ZSCAN29: variants seen among roughly 807,000 people sequenced by gnomAD.
ZSCAN29 encodes zinc finger and SCAN domain containing 29.
A neutral mutation model predicts 71.9 loss-of-function variants in ZSCAN29; 55 were observed. The ratio of observed to expected loss-of-function variants is 0.76; its 90% CI spans 0.62 to 0.96. The LOEUF (loss-of-function observed/expected upper bound fraction) is 0.96. Among genes scored for constraint, ZSCAN29 ranks in the 40% least tolerant of loss-of-function variants. The probability of loss-of-function intolerance (pLI) is 0.00; values close to 1 mark genes in which losing one functional copy is unlikely to be tolerated. For synonymous variants in ZSCAN29, 351 were observed against 371.6 expected, an observed-to-expected ratio of 0.94 and a Z score of 0.64; for missense variants, 1,042 against 1,042.2, an observed-to-expected ratio of 1.00 and a Z score of 0.00.
chr15:43,370,067 A>C, intron 1 of ZSCAN29, 42 bp from the exon 2 acceptor site: 1 of 794,166 alleles, frequency 1.3e-6, no homozygotes, highest in Non-Finnish European at 1.9e-6. Context: ...GAATACATTC[A>C]TATGTCTAAA....
At position 43,364,456 on chromosome 15, in the gene ZSCAN29, T is replaced by G. The variant is rs796649461; in HGVS notation, c.1223-74A>C. The G allele has an allele frequency of 5.2e-6, 7 of 1,348,224 alleles. No homozygotes were observed. The African/African-American group carries it at 1.0e-4, about 19-fold the overall frequency. The allele number at this position is 1,348,224 out of a possible 1,614,324, so 83.5% of individuals were successfully genotyped here. On this transcript the variant is annotated intron_variant, in intron 4 of 5. Transcript: ENST00000684362. ...GCCTGAATTCCTCAGTCCTATCATC[T>G]GCATCATGAGAATTCACCTAAGCTC...
In ZSCAN29 at chr15:43,366,707, T is replaced by C; in HGVS notation, c.625A>G (p.Ser209Gly). ...GSKEKELPSG[S>G]HIGDRRVHAD... ...TGCACTCGTCTGTCTCCTATGTGGCTGCCACTTGGAAGTTCTTTCTCCTTA... is the reference window on the plus strand; with the variant it reads ...TGCACTCGTCTGTCTCCTATGTGGCCGCCACTTGGAAGTTCTTTCTCCTTA... Residue 209 changes from serine (S) to glycine (G), a missense_variant, in exon 4 of 6, where the codon AGC (serine) becomes GGC (glycine). By Grantham distance (56) the Ser-to-Gly change is moderately conservative. Transcript: ENST00000684362. 1 of 1,614,222 alleles carries C rather than the reference T, an allele frequency of 6.2e-7. No homozygotes were observed. Among genetic ancestry groups the C allele is most frequent in the South Asian group, 1.1e-5 (1 of 91,086 alleles).
At position 43,369,115 on chromosome 15, in the gene ZSCAN29, CAG is replaced by C; in HGVS notation, c.329_330del (p.Ser110CysfsTer70). 1 of 1,574,404 alleles carries C rather than the reference CAG, an allele frequency of 6.4e-7. No individual in the cohort carries two copies. Among genetic ancestry groups the C allele is most frequent in the Non-Finnish European group, 8.6e-7 (1 of 1,156,580 alleles). On this transcript the variant is annotated frameshift_variant, in exon 3 of 6. Coordinates refer to ENST00000684362, the MANE Select transcript of ZSCAN29 (RefSeq NM_001372080.1). LOFTEE classifies it high-confidence loss of function. The part of the protein sequence containing the change: ...PGRPRSSVTV[S>X]VKGQEVRLEK... ...TCCAAGCGCACTTCCTGCCCCTTCA[CAG>C]AGACTGTGACCTAGAAACAACCCCC...
chr15:43,366,848 A>G (rs2278860), intron 3 of ZSCAN29, 40 bp from the exon 4 acceptor site: 246,845 of 1,537,414 alleles, frequency 0.16, 32,399 homozygotes, highest in African/African-American at 0.64. Context: ...CATAGTTTGG[A>G]CTGATTATCA....
intron 5 of ZSCAN29, among the ~76,000 whole-genome samples, chr15:43,362,841 GAAC>G (rs2043995559): frequency 6.6e-6 from 1 of 152,026 alleles, no homozygotes; most frequent in African/African-American, 2.4e-5. Context: ...ATATTCCAGG[GAAC>G]AACATTAAAA....
intron 5 of ZSCAN29, among the ~76,000 whole-genome samples, chr15:43,362,997 T>C (rs1026686909): frequency 6.6e-6 from 1 of 151,082 alleles, no homozygotes; most frequent in Non-Finnish European, 1.5e-5. Context: ...TAAGTAACTT[T>C]TTTTTTTTTT....
rs1385519738 is a variant in ZSCAN29 at position 43,369,738 on chromosome 15, T to C, written c.176A>G (p.Glu59Gly). 9 of 1,614,252 alleles carry C rather than the reference T, an allele frequency of 5.6e-6. No individual in the cohort carries two copies. The highest frequency in any genetic ancestry group is 7.6e-6 in the Non-Finnish European group (9 of 1,180,054). Residue 59 changes from glutamate to glycine, a missense_variant, in exon 2 of 6, where the codon GAA becomes GGA. By Grantham distance (98) the Glu-to-Gly change is moderately conservative. Transcript: ENST00000684362. Reference sequence around the variant, plus strand: ...CAGGAACTGCTCTAGCACCAACAGTTCTACAATCTGCTCCTTGGTGCGCAC... The same window carrying C: ...CAGGAACTGCTCTAGCACCAACAGTCCTACAATCTGCTCCTTGGTGCGCAC... ...PEVRTKEQIVELLVLEQFLTV... is the reference protein window; with the variant it reads ...PEVRTKEQIVGLLVLEQFLTV...
At chr15:43,363,827 A>T in intron 5 of ZSCAN29, 88 bp downstream of exon 5, 1 of 1,287,284 alleles carries the variant, frequency 7.8e-7, no homozygotes, top group East Asian at 2.4e-5. Context: ...AGCTGGGTGT[A>T]GAGGCCAGTT....
At chr15:43,369,443 A>C in intron 2 of ZSCAN29, 153 bp downstream of exon 2, 1 of 787,908 alleles carries the variant, frequency 1.3e-6, no homozygotes, top group Non-Finnish European at 2.0e-6. Flanking sequence ...AAGCATCTCC[A>C]GACAAGCACT....
At position 43,364,289 on chromosome 15, in the gene ZSCAN29, C is replaced by G; in HGVS notation, c.1316G>C (p.Ser439Thr). The change falls in exon 5 of 6, where the codon AGC becomes ACC. Residue 439 changes from serine to threonine, a missense_variant. Coordinates refer to ENST00000684362, the MANE Select transcript of ZSCAN29 (RefSeq NM_001372080.1). Reference protein sequence around the residue: ...YEALRNCHRNSQLYGAVAERL... With the variant: ...YEALRNCHRNTQLYGAVAERL... Reference sequence around the variant, plus strand: ...CTCAGCCACTGCTCCATACAGCTGGCTGTTGCGGTGACAGTTCCGGAGGGC... The same window carrying G: ...CTCAGCCACTGCTCCATACAGCTGGGTGTTGCGGTGACAGTTCCGGAGGGC... 1 of 1,614,208 alleles carries G rather than the reference C, an allele frequency of 6.2e-7. No individual in the cohort carries two copies. Among genetic ancestry groups the G allele is most frequent in the African/African-American group, 1.3e-5 (1 of 75,056 alleles).
chr15:43,369,106 G>T lies in ZSCAN29; in HGVS notation c.340C>A (p.Gln114Lys). Residue 114 changes from glutamine to lysine, a missense_variant, in exon 3 of 6, where the codon CAG becomes AAG. By Grantham distance (53) the Gln-to-Lys change is moderately conservative (BLOSUM62 1). Transcript: ENST00000684362. ...GTCATCTTCTCCAAGCGCACTTCCT[G>T]CCCCTTCACAGAGACTGTGACCTAG... ...RSSVTVSVKGQEVRLEKMTPP... is the reference protein window; with the variant it reads ...RSSVTVSVKGKEVRLEKMTPP... 1 of 1,583,660 alleles carries T rather than the reference G, an allele frequency of 6.3e-7. No individual in the cohort carries two copies. Among genetic ancestry groups the T allele is most frequent in the Non-Finnish European group, 8.6e-7 (1 of 1,161,220 alleles).
intron 3 of ZSCAN29, among the ~76,000 whole-genome samples, chr15:43,368,197 G>T (rs1313753897): frequency 6.6e-6 from 1 of 152,180 alleles, no homozygotes; most frequent in Non-Finnish European, 1.5e-5. Flanking sequence ...AGAACTTAAA[G>T]GTTCCAATAG....
At position 43,364,015 on chromosome 15, in the gene ZSCAN29, G is replaced by T; in HGVS notation, c.1590C>A (p.Asp530Glu). The T allele has an allele frequency of 6.2e-7, 1 of 1,614,010 alleles. No individual in the cohort carries two copies. Among genetic ancestry groups the T allele is most frequent in the Non-Finnish European group, 8.5e-7 (1 of 1,180,008 alleles). ...AEAQKQAEEA[D>E]EATEEDSDDD... is the part of the protein sequence containing the mutation. ...CATCAGAATCTTCCTCTGTGGCCTC[G>T]TCTGCTTCCTCAGCTTGCTTCTGAG... is the stretch of plus-strand genomic sequence containing the variant. The change falls in exon 5 of 6, where the codon GAC becomes GAA. Residue 530 changes from aspartate (D) to glutamate (E), a missense_variant. Transcript: ENST00000684362.
At chr15:43,365,262 T>C (rs554198154) in intron 4 of ZSCAN29, among the ~76,000 whole-genome samples, 1 of 152,298 alleles carries the variant, frequency 6.6e-6, no homozygotes, top group South Asian at 2.1e-4. Flanking sequence ...GTCATCAGGA[T>C]TAGAATCTAA....
rs1258474144 is a variant in ZSCAN29 at position 43,360,545 on chromosome 15, G to C, written c.*528C>G. On this transcript the variant is annotated 3_prime_UTR_variant, in exon 6 of 6. Coordinates refer to ENST00000684362, the MANE Select transcript of ZSCAN29 (RefSeq NM_001372080.1). ...AGCCACTTGGGAGGCTGAGGCAGGA[G>C]AATCACTTGAACCCGGGAAGCAGAG... is the stretch of plus-strand genomic sequence containing the variant. 2.0e-5 allele frequency: 3 copies of C among 147,190 alleles called. No individual in the cohort carries two copies. The highest frequency in any genetic ancestry group is 4.4e-5 in the Non-Finnish European group (3 of 67,442). The allele number at this position is 147,190 out of a possible 1,614,324, so 9.1% of individuals were successfully genotyped here. A position where few individuals can be genotyped will look rare whatever the true frequency, so the allele number is the denominator to read the frequency against.
Position 43,361,611 on chromosome 15 carries a change from A to G in ZSCAN29, c.2021T>C (p.Val674Ala), listed in dbSNP as rs2142725336. ...ATCAGCACATTTATATGGATTTTCC[A>G]CCTGGTGGGATACCTGATGCATGAG... is the stretch of plus-strand genomic sequence containing the variant. The part of the protein sequence containing the change: ...SLLMHQVSHQ[V>A]ENPYKCADCG... Residue 674 changes from valine to alanine, a missense_variant, in exon 6 of 6, where the codon GTG becomes GCG. Physicochemically the swap from Val to Ala is moderately conservative, Grantham distance 64. Coordinates refer to ENST00000684362, the MANE Select transcript of ZSCAN29 (RefSeq NM_001372080.1). 4 of 1,614,184 alleles carry G rather than the reference A, an allele frequency of 2.5e-6. No individual in the cohort carries two copies. The East Asian group carries it at 8.9e-5, about 36-fold the overall frequency.
Position 43,369,706 on chromosome 15 carries a change from A to G in ZSCAN29, c.208T>C (p.Leu70=), listed in dbSNP as rs1566885342. The change falls in exon 2 of 6, where the codon TTA becomes CTA. Residue 70 remains leucine, a synonymous_variant. Transcript: ENST00000684362. ...ACCCAATTCTGGATCTCCCCAGGTA[A>G]GACGGTCAGGAACTGCTCTAGCACC... ...LLVLEQFLTV[L]PGEIQNWVQE... The G allele has an allele frequency of 6.2e-7, 1 of 1,614,190 alleles. No homozygotes were observed. The highest frequency in any genetic ancestry group is 8.5e-7 in the Non-Finnish European group (1 of 1,180,050).
Position 43,360,953 on chromosome 15 carries a change from A to G in ZSCAN29, c.*120T>C, listed in dbSNP as rs547503271. On this transcript the variant is annotated 3_prime_UTR_variant, in exon 6 of 6. Transcript: ENST00000684362. ...AAAAACAAGGAACAAACAGTGGCAT[A>G]AATCCTAAAGTGAATTTCCTAAGCT... 27 of 1,350,902 alleles carry G rather than the reference A, an allele frequency of 2.0e-5. No individual in the cohort carries two copies. Among genetic ancestry groups the G allele is most frequent in the Admixed American group, 2.3e-5 (1 of 43,702 alleles). The allele number at this position is 1,350,902 out of a possible 1,614,324, so 83.7% of individuals were successfully genotyped here. A position where few individuals can be genotyped will look rare whatever the true frequency, so the allele number is the denominator to read the frequency against.
chr15:43,366,920 G>A, intron 3 of ZSCAN29, 112 bp from the exon 4 acceptor site: 1 of 1,062,294 alleles, frequency 9.4e-7, no homozygotes, highest in Non-Finnish European at 1.3e-6. Flanking sequence ...AAAGTGTCTA[G>A]GGAAATGTTT....
Sources: allele counts gnomAD v4.1 joint callset (sites outside exome capture counted in the v4.1 genomes callset), GRCh38; gene constraint gnomAD v4.1.1; transcripts MANE v1.5; gene names NCBI Gene and HGNC (gene_info 2026-07-23, HGNC 2026-07-21).